Variants in TNRC18 observed in about 807,000 individuals in gnomAD.
TNRC18 encodes the protein trinucleotide repeat-containing gene 18 protein.
A neutral mutation model predicts 226.7 loss-of-function variants in TNRC18; 69 were observed. The ratio of observed to expected loss-of-function variants is 0.30; its 90% CI spans 0.25 to 0.37. The LOEUF (loss-of-function observed/expected upper bound fraction) is 0.37, where lower values mean the gene tolerates loss of function less well. Among genes scored for constraint, TNRC18 ranks in the 10% least tolerant of loss-of-function variants. The pLI is 1.00. For missense variants in TNRC18, 4,754 were observed against 4,256.6 expected (o/e 1.12, Z -3.25); for synonymous variants, 2,449 against 1,927.6 (o/e 1.27, Z -7.09).
At position 5,374,332 on chromosome 7, in the gene TNRC18, G is replaced by A. The variant is rs1794433062; in HGVS notation, c.2952C>T (p.Gly984=). The A allele has an allele frequency of 2.8e-6, 4 of 1,420,888 alleles. No homozygotes were observed. Among genetic ancestry groups the A allele is most frequent in the Non-Finnish European group, 3.7e-6 (4 of 1,095,724 alleles). The allele number at this position is 1,420,888 out of a possible 1,614,324, so 88.0% of individuals were successfully genotyped here. Residue 984 remains glycine (G), a synonymous_variant, in exon 10 of 30, where the codon GGC becomes GGT. Coordinates refer to ENST00000430969, the MANE Select transcript of TNRC18 (RefSeq NM_001080495.3). ...KPPGLAAGPA[G]TYGKAVSPPP... The stretch of plus-strand genomic sequence containing the variant: ...GCGGGCTCACGGCCTTGCCGTAGGT[G>A]CCCGCGGGGCCGGCGGCCAGGCCAG...
chr7:5,369,554 A>G (rs1213601394), intron 11 of TNRC18, among the ~76,000 whole-genome samples: 2 of 152,108 alleles, frequency 1.3e-5, no homozygotes, highest in African/African-American at 4.8e-5. Context: ...AACAGAGAGA[A>G]AAGTCGAACA....
chr7:5,320,793 G>A (rs1788269895), intron 22 of TNRC18, 186 bp from the exon 23 acceptor site: 1 of 630,122 alleles, frequency 1.6e-6, no homozygotes, highest in Admixed American at 2.8e-5. Context: ...TGTAGGACTA[G>A]GGGTTGCAAG....
chr7:5,387,536 C>T (rs1181028320), intron 5 of TNRC18, 136 bp downstream of exon 5: 27 of 1,268,366 alleles, frequency 2.1e-5, no homozygotes, highest in Non-Finnish European at 7.6e-6. Context: ...CGCAACAGAA[C>T]ATTCAAGACC....
chr7:5,339,478 G>A (rs945815589), intron 18 of TNRC18, among the ~76,000 whole-genome samples: 5 of 151,546 alleles, frequency 3.3e-5, no homozygotes, highest in African/African-American at 1.2e-4. Flanking sequence ...GACCTCTGAT[G>A]TTCTATCTGC....
chr7:5,373,477 G>C (rs1794349564), intron 10 of TNRC18, among the ~76,000 whole-genome samples: 1 of 152,180 alleles, frequency 6.6e-6, no homozygotes. Context: ...CAGGCGCCGG[G>C]CCAAGCTCAG....
Position 5,359,443 on chromosome 7 carries a change from G to GTTC in TNRC18, c.4785_4787dup (p.Arg1595_Asn1596insLys). Reference sequence around the variant, plus strand: ...AGGCCTCATGTTCATCCCAAGTCTGGTTCCTCCCCCTGGCTTTCCCCATTC... The same window carrying GTTC: ...AGGCCTCATGTTCATCCCAAGTCTGGTTCTTCCTCCCCCTGGCTTTCCCCATTC... On this transcript the variant is annotated inframe_insertion, in exon 15 of 30. Coordinates refer to ENST00000430969, the MANE Select transcript of TNRC18 (RefSeq NM_001080495.3). The GTTC allele has an allele frequency of 6.2e-7, 1 of 1,613,986 alleles. No homozygotes were observed. Among genetic ancestry groups the GTTC allele is most frequent in the South Asian group, 1.1e-5 (1 of 91,082 alleles).
intron 16 of TNRC18, among the ~76,000 whole-genome samples, chr7:5,354,769 T>G (rs1453461828): frequency 6.6e-6 from 1 of 152,088 alleles, no homozygotes; most frequent in Admixed American, 6.6e-5. Flanking sequence ...ACTAGCAGCT[T>G]AATTCCGTGC....
chr7:5,382,401 C>T (rs1468479402), intron 5 of TNRC18, among the ~76,000 whole-genome samples: 3 of 152,196 alleles, frequency 2.0e-5, no homozygotes, highest in African/African-American at 7.2e-5. Context: ...GCAGCGCTAA[C>T]GACTCCACTC....
intron 2 of TNRC18, among the ~76,000 whole-genome samples, chr7:5,414,408 ATTC>A (rs1209037356): frequency 2.7e-5 from 4 of 150,598 alleles, no homozygotes; most frequent in Non-Finnish European, 5.9e-5. Flanking sequence ...ACATTTCAGT[ATTC>A]TTTCTTTTGT....
rs1168910927 is a variant in TNRC18, at chr7:5,307,771, C to A, written c.*335G>T. On this transcript the variant is annotated 3_prime_UTR_variant, in exon 30 of 30. Coordinates refer to ENST00000430969, the MANE Select transcript of TNRC18 (RefSeq NM_001080495.3). ...CATGGACCTGGGGGCACCCGGGCCC[C>A]CACGCAGCAGCAGCCTGGAGGGCCG... 1 of 392,444 alleles carries A rather than the reference C, an allele frequency of 2.5e-6. No individual in the cohort carries two copies. The highest frequency in any genetic ancestry group is 2.1e-5 in the African/African-American group (1 of 48,576). The allele number at this position is 392,444 out of a possible 1,614,324, so 24.3% of individuals were successfully genotyped here.
In TNRC18 at chr7:5,306,819, T is replaced by C. The variant is rs1394627730; in HGVS notation, c.*1287A>G. The C allele has an allele frequency of 6.6e-6, 1 of 151,984 alleles. No homozygotes were observed. Among genetic ancestry groups the C allele is most frequent in the African/African-American group, 2.4e-5 (1 of 41,396 alleles). 9.4% of individuals were successfully genotyped at this position (151,984 alleles called of 1,614,324 possible). On this transcript the variant is annotated 3_prime_UTR_variant, in exon 30 of 30. Transcript: ENST00000430969. ...ATTTTTCCAATTAAATCTTTTCTTT[T>C]TTTTTATGAAAAAAGATCACACAGA... is the stretch of plus-strand genomic sequence containing the variant.
chr7:5,330,667 T>G (rs1789431930), intron 19 of TNRC18, among the ~76,000 whole-genome samples: 1 of 152,058 alleles, frequency 6.6e-6, no homozygotes, highest in Admixed American at 6.6e-5. Flanking sequence ...ATGTGCTACC[T>G]GGTAGCATTA....
rs202053648 is a variant in TNRC18 at position 5,366,318 on chromosome 7, C to CT, written c.4220-3494dup. ...AATGCTTGTTTTGCTCTTCTTATAT[C>CT]TTTTTTTTTTTTTTTTTTTTTTTTT... On this transcript the variant is annotated intron_variant, in intron 11 of 29. Coordinates refer to ENST00000430969, the MANE Select transcript of TNRC18 (RefSeq NM_001080495.3). 5.5e-3 allele frequency among the ~76,000 whole-genome samples: 387 copies of CT among 70,420 alleles called. 65 individuals are homozygous for CT. The highest frequency in any genetic ancestry group is 8.5e-3 in the East Asian group (21 of 2,462). 46.2% of individuals were successfully genotyped at this position (70,420 alleles called of 152,430 possible). A position where few individuals can be genotyped will look rare whatever the true frequency, so the allele number is the denominator to read the frequency against.
At chr7:5,374,863 T>C (rs533508445) in intron 9 of TNRC18, among the ~76,000 whole-genome samples, 6 of 152,364 alleles carry the variant, frequency 3.9e-5, no homozygotes, top group East Asian at 1.9e-4. Context: ...ACTCACTACC[T>C]GCTAAACCTT....
rs1016190791 is a variant in TNRC18 at position 5,377,710 on chromosome 7, C to T, written c.2256-134G>A. On this transcript the variant is annotated intron_variant, in intron 6 of 29. Coordinates refer to ENST00000430969, the MANE Select transcript of TNRC18 (RefSeq NM_001080495.3). This position sits in a 1 kb window ranked among gnomAD's most constrained non-coding sequence, Gnocchi z 5.8. ...CAACCACTGCTCGGAACTGAAGGGCCTCCCGGGGCCTTCCACACTCACTGT... is the reference window on the plus strand; with the variant it reads ...CAACCACTGCTCGGAACTGAAGGGCTTCCCGGGGCCTTCCACACTCACTGT... 67 of 1,116,444 alleles carry T rather than the reference C, an allele frequency of 6.0e-5. No individual in the cohort carries two copies. In the Middle Eastern group the frequency reaches 8.9e-4, roughly 15 times the overall value. The allele number at this position is 1,116,444 out of a possible 1,614,324, so 69.2% of individuals were successfully genotyped here.
At chr7:5,379,851 G>A (rs1779277155) in intron 5 of TNRC18, among the ~76,000 whole-genome samples, 3 of 152,214 alleles carry the variant, frequency 2.0e-5, no homozygotes, top group African/African-American at 7.2e-5. Flanking sequence ...CCTTCCCAGG[G>A]CTTCCGGGAA....
In TNRC18 at chr7:5,421,141, C is replaced by G; in HGVS notation, c.106G>C (p.Gly36Arg). The G allele has an allele frequency of 7.0e-7, 1 of 1,435,124 alleles. No homozygotes were observed. Among genetic ancestry groups the G allele is most frequent in the Non-Finnish European group, 9.2e-7 (1 of 1,090,092 alleles). The allele number at this position is 1,435,124 out of a possible 1,614,324, so 88.9% of individuals were successfully genotyped here. Residue 36 changes from glycine (G) to arginine (R), a missense_variant, in exon 2 of 30, where the codon GGA (glycine) becomes CGA (arginine). Physicochemically the swap from Gly to Arg is moderately radical, Grantham distance 125 (BLOSUM62 -2). Transcript: ENST00000430969. ...GGCAAGCCCGAGGCGGGCAAGCGTC[C>G]GGCAGTGGCCGCGCCCACGCGGTGG... ...DSHRVGAATA[G>R]RLPASGLPGP... is the part of the protein sequence containing the mutation.
rs934337218 is a variant in TNRC18, at chr7:5,377,639, C to G, written c.2256-63G>C. The G allele has an allele frequency of 6.7e-7, 1 of 1,492,442 alleles. No individual in the cohort carries two copies. Among genetic ancestry groups the G allele is most frequent in the African/African-American group, 1.4e-5 (1 of 71,714 alleles). The allele number at this position is 1,492,442 out of a possible 1,614,324, so 92.4% of individuals were successfully genotyped here. A position where few individuals can be genotyped will look rare whatever the true frequency, so the allele number is the denominator to read the frequency against. ...CAGCCCAGGGGACGAGAGGGAGAAGCGGGGTTGCCCCAAGGAACTGTTTGC... is the reference window on the plus strand; with the variant it reads ...CAGCCCAGGGGACGAGAGGGAGAAGGGGGGTTGCCCCAAGGAACTGTTTGC... On this transcript the variant is annotated intron_variant, in intron 6 of 29. Transcript: ENST00000430969. This position sits in a 1 kb window ranked among gnomAD's most constrained non-coding sequence, Gnocchi z 5.8.
chr7:5,314,924 A>C, intron 26 of TNRC18, 60 bp downstream of exon 26: 2 of 1,519,122 alleles, frequency 1.3e-6, no homozygotes, highest in Non-Finnish European at 1.8e-6. Context: ...CCAAGCCCTG[A>C]GTTTGGATGC....
Sources: gnomAD v4.1 joint callset for allele counts (sites outside exome capture counted in the v4.1 genomes callset) on GRCh38, gnomAD v4.1.1 for gene constraint, Gnocchi (gnomAD v3.1) non-coding constraint, MANE v1.5 for transcripts, NCBI Gene and HGNC (gene_info 2026-07-23, HGNC 2026-07-21) for gene names.